Variants in DCC observed in about 807,000 individuals in gnomAD.
DCC encodes the protein netrin receptor DCC.
DCC carries 58 observed loss-of-function variants against 172.5 expected under a neutral mutation model. The observed-to-expected ratio is 0.34, with a 90% CI of 0.27 to 0.42. DCC has a LOEUF of 0.42. DCC is among the 10% of genes least tolerant of loss of function. The probability of loss-of-function intolerance (pLI) is 1.00; values close to 1 mark genes in which losing one functional copy is unlikely to be tolerated. For missense variants in DCC, 1,740 were observed against 1,791.0 expected (o/e 0.97, Z 0.51); for synonymous variants, 709 against 644.5 (o/e 1.10, Z -1.52).
At chr18:53,439,071 G>A (rs545252811) in intron 22 of DCC, among the ~76,000 whole-genome samples, 32 of 152,280 alleles carry the variant, frequency 2.1e-4, no homozygotes, top group African/African-American at 7.5e-4. Context: ...ATTATTTCAG[G>A]CTGTCTGGCT....
intron 15 of DCC, among the ~76,000 whole-genome samples, chr18:53,376,166 C>T (rs568941750): frequency 1.3e-5 from 2 of 151,978 alleles, no homozygotes; most frequent in South Asian, 2.1e-4. Context: ...CTGAGGCAGG[C>T]GGATCACTTG....
At chr18:52,663,491 G>T (rs1395530443) in intron 1 of DCC, among the ~76,000 whole-genome samples, 2 of 152,086 alleles carry the variant, frequency 1.3e-5, no homozygotes, top group African/African-American at 4.8e-5. Context: ...CTGGGCAAAA[G>T]GTTGTAGTTC....
intron 1 of DCC, among the ~76,000 whole-genome samples, chr18:52,428,849 C>T (rs930119645): frequency 3.9e-5 from 6 of 152,010 alleles, no homozygotes; most frequent in Non-Finnish European, 8.8e-5. Context: ...TGGTGAAATG[C>T]AAAGCATATA....
intron 14 of DCC, among the ~76,000 whole-genome samples, chr18:53,330,041 G>A (rs960864727): frequency 6.6e-6 from 1 of 152,166 alleles, no homozygotes; most frequent in Non-Finnish European, 1.5e-5. Flanking sequence ...CAAACTAGTT[G>A]ACAGTGGTTG....
intron 22 of DCC, among the ~76,000 whole-genome samples, chr18:53,440,536 A>G (rs754372247): frequency 7.2e-5 from 11 of 151,972 alleles, no homozygotes; most frequent in African/African-American, 1.4e-4. Flanking sequence ...ATTTTAACCA[A>G]TGTAAATAAA....
chr18:53,193,282 C>G (rs187941059), intron 9 of DCC, among the ~76,000 whole-genome samples: 1 of 151,994 alleles, frequency 6.6e-6, no homozygotes, highest in African/African-American at 2.4e-5. Context: ...CATTTGGACT[C>G]CTCTCCTCCC....
At position 53,295,759 on chromosome 18, in the gene DCC, G is replaced by A. The variant is rs555002566; in HGVS notation, c.1912-9819G>A. ...AGTGTTTTGTTTTTTCTTTTGGAAA[G>A]TGGATTATTTTTCAGAAAACCTTAT... is the stretch of plus-strand genomic sequence containing the variant. On this transcript the variant is annotated intron_variant, in intron 12 of 28. Transcript: ENST00000442544. Among the ~76,000 whole-genome samples the A allele has an allele frequency of 1.4e-4, 21 of 152,224 alleles. 1 individual carries two copies. The highest frequency in any genetic ancestry group is 3.4e-3 in the Middle Eastern group (1 of 294).
At chr18:52,776,424 G>A (rs2037434070) in intron 2 of DCC, among the ~76,000 whole-genome samples, 1 of 152,084 alleles carries the variant, frequency 6.6e-6, no homozygotes, top group African/African-American at 2.4e-5. Context: ...AAGGAATACA[G>A]GAAGTCTATA....
At chr18:52,888,585 GA>G (rs2039602440) in intron 2 of DCC, among the ~76,000 whole-genome samples, 1 of 152,000 alleles carries the variant, frequency 6.6e-6, no homozygotes, top group South Asian at 2.1e-4. Context: ...TAACAAGTAT[GA>G]AAAGTGTTCT....
intron 1 of DCC, among the ~76,000 whole-genome samples, chr18:52,519,324 G>T (rs983131040): frequency 2.2e-4 from 33 of 152,302 alleles, no homozygotes; most frequent in African/African-American, 7.5e-4. Context: ...TAAGTGCAGT[G>T]CAGTTAAGAT....
At chr18:53,495,980 C>G (rs995110579) in intron 26 of DCC, among the ~76,000 whole-genome samples, 1 of 152,152 alleles carries the variant, frequency 6.6e-6, no homozygotes, top group Non-Finnish European at 1.5e-5. Flanking sequence ...GTAAAAACCC[C>G]ATCTCCCTGG....
At chr18:53,381,944 C>G (rs143116022) in intron 15 of DCC, among the ~76,000 whole-genome samples, 26 of 151,910 alleles carry the variant, frequency 1.7e-4, no homozygotes, top group African/African-American at 5.8e-4. Flanking sequence ...TATCTTGGAC[C>G]TGAATAGTGG....
rs550207878 is a variant in DCC at position 53,457,824 on chromosome 18, C to A, written c.3393-1408C>A. ...CAAAGTGCAGGTAGTGTTATTTTTT[C>A]TCTGCTAAAATACAAAATAGATACT... On this transcript the variant is annotated intron_variant, in intron 23 of 28. Coordinates refer to ENST00000442544, the MANE Select transcript of DCC (RefSeq NM_005215.4). Among the ~76,000 whole-genome samples the A allele has an allele frequency of 1.6e-4, 25 of 152,234 alleles. No individual in the cohort carries two copies. In the East Asian group the frequency reaches 4.8e-3, roughly 29 times the overall value.
chr18:53,463,708 T>A (rs369435373), intron 24 of DCC, among the ~76,000 whole-genome samples: 1 of 152,298 alleles, frequency 6.6e-6, no homozygotes, highest in East Asian at 1.9e-4. Flanking sequence ...TCAGAGCTAG[T>A]ATCACAGCCA....
chr18:53,265,407 C>T (rs1443953247), intron 12 of DCC, among the ~76,000 whole-genome samples: 1 of 152,122 alleles, frequency 6.6e-6, no homozygotes, highest in Non-Finnish European at 1.5e-5. Context: ...GAGAAACACT[C>T]CATGTATAAA....
intron 2 of DCC, among the ~76,000 whole-genome samples, chr18:52,771,948 C>T (rs1183664944): frequency 6.6e-6 from 1 of 151,610 alleles, no homozygotes; most frequent in Non-Finnish European, 1.5e-5. Flanking sequence ...TTATTAGCTC[C>T]CCAGGTGATT....
At chr18:53,102,340 A>G (rs561615778) in intron 7 of DCC, among the ~76,000 whole-genome samples, 70 of 152,174 alleles carry the variant, frequency 4.6e-4, no homozygotes, top group African/African-American at 1.6e-3. Context: ...ATTTTTAGGG[A>G]TACATTCATT....
intron 5 of DCC, among the ~76,000 whole-genome samples, chr18:53,051,735 T>C (rs955290083): frequency 1.3e-5 from 2 of 152,144 alleles, no homozygotes; most frequent in African/African-American, 4.8e-5. Flanking sequence ...TTGGTTTTTC[T>C]TTCTGGATGT....
At chr18:53,172,329 G>T (rs2055025752) in intron 8 of DCC, among the ~76,000 whole-genome samples, 2 of 152,100 alleles carry the variant, frequency 1.3e-5, no homozygotes, top group Non-Finnish European at 2.9e-5. Context: ...ATAGGAGGAA[G>T]GCAGGAGGGC....
Sources: gnomAD v4.1 joint callset for allele counts (sites outside exome capture counted in the v4.1 genomes callset) on GRCh38, gnomAD v4.1.1 for gene constraint, MANE v1.5 for transcripts, NCBI Gene and HGNC (gene_info 2026-07-23, HGNC 2026-07-21) for gene names.